Variants in CAMTA1 observed in about 807,000 individuals in gnomAD.
The protein encoded by CAMTA1 is calmodulin-binding transcription activator 1.
Under a neutral mutation model 170.9 loss-of-function variants are expected in CAMTA1, and 27 were observed. That is an observed-to-expected ratio of 0.16 (90% confidence interval 0.12 to 0.22). CAMTA1 has a LOEUF of 0.22. Ranked by LOEUF, CAMTA1 falls within the 10% of genes least tolerant of loss-of-function variation. The probability of loss-of-function intolerance (pLI) is 1.00; values close to 1 mark genes in which losing one functional copy is unlikely to be tolerated. For synonymous variants in CAMTA1, 833 were observed against 891.5 expected, an observed-to-expected ratio of 0.93 and a Z score of 1.17; for missense variants, 1,619 against 2,217.2, an observed-to-expected ratio of 0.73 and a Z score of 5.42.
chr1:7,759,977 A>G (rs2096962378), intron 22 of CAMTA1, among the ~76,000 whole-genome samples: 1 of 152,198 alleles, frequency 6.6e-6, no homozygotes, highest in Non-Finnish European at 1.5e-5. Flanking sequence ...CTTTCCCGAT[A>G]CGAGACACTA....
chr1:7,499,592 G>A (rs577468584), intron 6 of CAMTA1, among the ~76,000 whole-genome samples: 6 of 145,574 alleles, frequency 4.1e-5, no homozygotes, highest in Admixed American at 2.0e-4. Context: ...TGGCGTGAGT[G>A]CGTATGTATA....
At chr1:6,851,693 A>G (rs1423067528) in intron 3 of CAMTA1, among the ~76,000 whole-genome samples, 3 of 152,162 alleles carry the variant, frequency 2.0e-5, no homozygotes, top group Non-Finnish European at 2.9e-5. Context: ...AGCCTAGCCA[A>G]TGTGGCAAAA....
chr1:6,813,100 A>G (rs2148369273), intron 1 of CAMTA1, among the ~76,000 whole-genome samples: 1 of 152,380 alleles, frequency 6.6e-6, no homozygotes, highest in East Asian at 1.9e-4. Context: ...TTATTATAGT[A>G]TAGTAGCACT....
rs2095118011 is a variant in CAMTA1, at chr1:7,570,932, AT to A, written c.511-69467del. Among the ~76,000 whole-genome samples the A allele has an allele frequency of 6.6e-6, 1 of 152,172 alleles. No homozygotes were observed. Among genetic ancestry groups the A allele is most frequent in the Admixed American group, 6.5e-5 (1 of 15,280 alleles). On this transcript the variant is annotated intron_variant, in intron 6 of 22. Transcript: ENST00000303635. This position sits in a 1 kb window ranked among gnomAD's most constrained non-coding sequence, Gnocchi z 4.3. Reference sequence around the variant, plus strand: ...CACTCTGAGCCTCAGTTGCCTCAAGATGGGCAGCCTTTCTGTGTCGCCGGAG... The same window carrying A: ...CACTCTGAGCCTCAGTTGCCTCAAGAGGGCAGCCTTTCTGTGTCGCCGGAG...
At position 7,248,184 on chromosome 1, in the gene CAMTA1, C is replaced by T. The variant is rs1666117001; in HGVS notation, c.303-1307C>T. On this transcript the variant is annotated intron_variant, in intron 4 of 22. Coordinates refer to ENST00000303635, the MANE Select transcript of CAMTA1 (RefSeq NM_015215.4). The surrounding 1 kb of genome is among the most constrained non-coding windows in gnomAD (Gnocchi z 4.0). The stretch of plus-strand genomic sequence containing the variant: ...CCCAGACAATAGAATATGAAGCCAT[C>T]AACAGCCAATGTTCTGTGCTGCTTG... Among the ~76,000 whole-genome samples the T allele has an allele frequency of 6.6e-6, 1 of 152,146 alleles. No individual in the cohort carries two copies. Among genetic ancestry groups the T allele is most frequent in the Non-Finnish European group, 1.5e-5 (1 of 68,028 alleles).
chr1:7,224,947 G>A lies in CAMTA1; in HGVS notation c.303-24544G>A, dbSNP rs1362666296. On this transcript the variant is annotated intron_variant, in intron 4 of 22. Coordinates refer to ENST00000303635, the MANE Select transcript of CAMTA1 (RefSeq NM_015215.4). This position sits in a 1 kb window ranked among gnomAD's most constrained non-coding sequence, Gnocchi z 5.2. ...CCGCAGCCAGCAGATGGCAGAAAGCGCCTTGACCCCATCGTCTAGTGTCTC... is the reference window on the plus strand; with the variant it reads ...CCGCAGCCAGCAGATGGCAGAAAGCACCTTGACCCCATCGTCTAGTGTCTC... 6.6e-6 allele frequency among the ~76,000 whole-genome samples: 1 copy of A among 152,204 alleles called. No homozygotes were observed. The highest frequency in any genetic ancestry group is 1.5e-5 in the Non-Finnish European group (1 of 68,046).
intron 3 of CAMTA1, among the ~76,000 whole-genome samples, chr1:7,071,012 T>G (rs74891443): frequency 0.17 from 26,153 of 152,174 alleles, 2,400 homozygotes; most frequent in African/African-American, 0.23. Context: ...TGCAGGGGCT[T>G]GCTTGGAGGC....
intron 3 of CAMTA1, among the ~76,000 whole-genome samples, chr1:6,884,785 A>G (rs1672714839): frequency 6.6e-6 from 1 of 152,236 alleles, no homozygotes; most frequent in Admixed American, 6.5e-5. Context: ...GGGAATGCGC[A>G]GTCTAAGCAG....
chr1:7,602,395 T>A lies in CAMTA1; in HGVS notation c.511-38005T>A, dbSNP rs181312394. Among the ~76,000 whole-genome samples the A allele has an allele frequency of 7.2e-5, 11 of 152,226 alleles. No homozygotes were observed. The East Asian group carries it at 2.1e-3, about 29-fold the overall frequency. ...TGGTTTAGTCTTGGGAGAGTGTATG[T>A]GTCGAGGAATTTATCCATTTCTTCT... On this transcript the variant is annotated intron_variant, in intron 6 of 22. Transcript: ENST00000303635.
At chr1:7,447,281 C>G (rs2092703381) in intron 5 of CAMTA1, among the ~76,000 whole-genome samples, 1 of 151,890 alleles carries the variant, frequency 6.6e-6, no homozygotes, top group Non-Finnish European at 1.5e-5. Flanking sequence ...AGCAGAGTGA[C>G]TCTACAAGAA....
At chr1:7,226,237 C>T (rs1661671525) in intron 4 of CAMTA1, among the ~76,000 whole-genome samples, 3 of 152,102 alleles carry the variant, frequency 2.0e-5, no homozygotes, top group African/African-American at 7.2e-5. Flanking sequence ...GCCTCCCCCT[C>T]AAATTCCCGC....
chr1:6,863,782 C>A (rs2148920460), intron 3 of CAMTA1, among the ~76,000 whole-genome samples: 1 of 152,324 alleles, frequency 6.6e-6, no homozygotes, highest in African/African-American at 2.4e-5. Flanking sequence ...ACATTATTTA[C>A]ACTGAACTCT....
rs753583758 is a variant in CAMTA1, at chr1:7,736,532, C to A, written c.3255C>A (p.Ile1085=). The change falls in exon 13 of 23, where the codon ATC becomes ATA. Residue 1085 remains isoleucine, a synonymous_variant. Transcript: ENST00000303635. The surrounding 1 kb of genome is among the most constrained non-coding windows in gnomAD (Gnocchi z 4.5). ...QGYATLIQTL[I]KWRTKHADSI... ...ATGCCACCCTAATCCAGACCCTCATCAAATGGCGGTAAGGCTGTGGTGCAG... is the reference window on the plus strand; with the variant it reads ...ATGCCACCCTAATCCAGACCCTCATAAAATGGCGGTAAGGCTGTGGTGCAG... The A allele has an allele frequency of 6.8e-6, 11 of 1,614,004 alleles. No homozygotes were observed. The highest frequency in any genetic ancestry group is 8.5e-6 in the Non-Finnish European group (10 of 1,179,992).
In CAMTA1 at chr1:7,664,919, A is replaced by G; in HGVS notation, c.2372A>G (p.Tyr791Cys). ...GTGGAGGGGGGCAGCAGCACCATCT[A>G]TGGGCACCAGCTGGTGTCGGGGGAC... ...ISVEGGSSTI[Y>C]GHQLVSGDST... The change falls in exon 9 of 23, where the codon TAT (tyrosine) becomes TGT (cysteine). Residue 791 changes from tyrosine (Y) to cysteine (C), a missense_variant. Around this residue, in one of 8 missense-constraint regions of CAMTA1, gnomAD observed 731 missense variants for 907.6 expected, o/e 0.81. Transcript: ENST00000303635. 1 of 1,613,086 alleles carries G rather than the reference A, an allele frequency of 6.2e-7. No individual in the cohort carries two copies. Among genetic ancestry groups the G allele is most frequent in the South Asian group, 1.1e-5 (1 of 91,076 alleles).
At chr1:7,574,377 A>C (rs1446576318) in intron 6 of CAMTA1, among the ~76,000 whole-genome samples, 1 of 152,182 alleles carries the variant, frequency 6.6e-6, no homozygotes, top group African/African-American at 2.4e-5. Flanking sequence ...TGCCCCCATC[A>C]GGGAGCCCTG....
At chr1:7,520,751 C>T (rs781263439) in intron 6 of CAMTA1, among the ~76,000 whole-genome samples, 11 of 152,166 alleles carry the variant, frequency 7.2e-5, no homozygotes, top group East Asian at 1.9e-4. Context: ...CACACAGCCT[C>T]GTGCATCTTG....
At chr1:7,125,462 A>G (rs933633935) in intron 4 of CAMTA1, among the ~76,000 whole-genome samples, 1 of 152,152 alleles carries the variant, frequency 6.6e-6, no homozygotes, top group African/African-American at 2.4e-5. Context: ...CCGTGTGTTC[A>G]AGGTCAGCCC....
chr1:7,228,159 G>A (rs558155134), intron 4 of CAMTA1, among the ~76,000 whole-genome samples: 210 of 152,380 alleles, frequency 1.4e-3, no homozygotes, highest in Non-Finnish European at 2.9e-3. Flanking sequence ...TTAGACCACA[G>A]GGCTCTGATT....
At chr1:6,836,521 A>T (rs536583525) in intron 3 of CAMTA1, among the ~76,000 whole-genome samples, 7 of 152,164 alleles carry the variant, frequency 4.6e-5, no homozygotes, top group Non-Finnish European at 1.0e-4. Flanking sequence ...GAGAAAAGAA[A>T]CTGGGAGGCC....
Sources: gnomAD v4.1 joint callset for allele counts (sites outside exome capture counted in the v4.1 genomes callset) on GRCh38, gnomAD v4.1.1 for gene constraint, gnomAD v4.1.1 regional missense constraint, Gnocchi (gnomAD v3.1) non-coding constraint, MANE v1.5 for transcripts, NCBI Gene and HGNC (gene_info 2026-07-23, HGNC 2026-07-21) for gene names.